Variants in SLIT3 observed in about 807,000 individuals in gnomAD.
SLIT3 encodes the protein slit guidance ligand 3, also known as slit homolog 3 protein.
SLIT3 carries 68 observed loss-of-function variants against 184.0 expected under a neutral mutation model. The observed-to-expected ratio is 0.37, with a 90% confidence interval of 0.30 to 0.45. The LOEUF is 0.45. SLIT3 is among the 20% of genes least tolerant of loss of function. The pLI is 1.00. For missense variants in SLIT3, 1,707 were observed against 2,026.0 expected, an observed-to-expected ratio of 0.84 and a Z score of 3.02; for synonymous variants, 831 against 828.6, an observed-to-expected ratio of 1.00 and a Z score of -0.05.
chr5:168,755,448 T>TCTTTCTTTCTTTCCTTCCTTCCTTCC (rs1419173588), intron 16 of SLIT3, among the ~76,000 whole-genome samples: 1 of 102,566 alleles, frequency 9.7e-6, no homozygotes, highest in Non-Finnish European at 2.2e-5. Flanking sequence ...TTTCTTTCTT[T>TCTTTCTTTCTTTCCTTCCTTCCTTCC]TTGAGACAGA....
chr5:168,915,743 G>C (rs1439249685), intron 4 of SLIT3, among the ~76,000 whole-genome samples: 2 of 151,956 alleles, frequency 1.3e-5, no homozygotes, highest in Non-Finnish European at 2.9e-5. Context: ...CTGCTCATCA[G>C]CTACATGTGT....
intron 35 of SLIT3, among the ~76,000 whole-genome samples, chr5:168,667,092 C>CTGAAAATCTGGATT (rs1472316061): frequency 6.6e-6 from 1 of 152,162 alleles, no homozygotes. Flanking sequence ...GAGATTTCAC[C>CTGAAAATCTGGATT]TGAAAATCTG....
intron 8 of SLIT3, among the ~76,000 whole-genome samples, chr5:168,811,357 T>A (rs1757151643): frequency 6.6e-6 from 1 of 152,154 alleles, no homozygotes. Context: ...CCCCTTAGCA[T>A]GAGATGAGGA....
intron 4 of SLIT3, among the ~76,000 whole-genome samples, chr5:169,014,520 C>T (rs921109551): frequency 1.3e-5 from 2 of 152,128 alleles, no homozygotes; most frequent in African/African-American, 2.4e-5. Flanking sequence ...AACGTCAAGC[C>T]GGCTTCCTCC....
chr5:169,177,260 C>T (rs980501400), intron 4 of SLIT3, among the ~76,000 whole-genome samples: 1 of 152,052 alleles, frequency 6.6e-6, no homozygotes, highest in African/African-American at 2.4e-5. Flanking sequence ...AAACAGGGCC[C>T]CAGATAAATA....
At chr5:168,833,788 G>A (rs1757955397) in intron 6 of SLIT3, among the ~76,000 whole-genome samples, 1 of 152,156 alleles carries the variant, frequency 6.6e-6, no homozygotes. Context: ...TTTTTCCTAT[G>A]GCTGTGGGCA....
At chr5:168,708,139 G>A (rs1762431925) in intron 25 of SLIT3, 39 bp from the exon 26 acceptor site, 1 of 1,613,912 alleles carries the variant, frequency 6.2e-7, no homozygotes. Flanking sequence ...CAGGTCCTGA[G>A]TGCGCTCACT....
At chr5:169,189,667 C>G (rs1182747809) in intron 4 of SLIT3, among the ~76,000 whole-genome samples, 2 of 150,262 alleles carry the variant, frequency 1.3e-5, no homozygotes, top group Non-Finnish European at 3.0e-5. Context: ...CCAGTAGAGA[C>G]AAATGCAGAC....
intron 4 of SLIT3, among the ~76,000 whole-genome samples, chr5:169,132,229 G>A (rs1334637227): frequency 2.0e-5 from 3 of 152,174 alleles, no homozygotes; most frequent in African/African-American, 7.2e-5. Flanking sequence ...ATGACAGAGG[G>A]CTGAAGAGAG....
intron 4 of SLIT3, among the ~76,000 whole-genome samples, chr5:169,192,010 C>T (rs919022945): frequency 6.6e-5 from 10 of 152,214 alleles, no homozygotes; most frequent in Middle Eastern, 3.4e-3. Flanking sequence ...TTGAAAGGTG[C>T]AATGCAGTAC....
intron 4 of SLIT3, among the ~76,000 whole-genome samples, chr5:169,111,789 C>T (rs1338712552): frequency 2.0e-5 from 3 of 152,178 alleles, no homozygotes; most frequent in African/African-American, 7.2e-5. Flanking sequence ...ACTTTATTCA[C>T]TAGAACAGGC....
intron 4 of SLIT3, among the ~76,000 whole-genome samples, chr5:169,132,398 C>T (rs1212534994): frequency 2.0e-5 from 3 of 152,110 alleles, no homozygotes; most frequent in Non-Finnish European, 4.4e-5. Context: ...GTTGAGGTGC[C>T]AGTTAGACAT....
intron 4 of SLIT3, among the ~76,000 whole-genome samples, chr5:168,972,337 A>ATGTGTGTGTGTGTGGGTGTGTGTG (rs1754604348): frequency 8.5e-6 from 1 of 118,250 alleles, no homozygotes; most frequent in Non-Finnish European, 1.7e-5. Context: ...GCAGGACAAC[A>ATGTGTGTGTGTGTGGGTGTGTGTG]TGTGTGTGTG....
In SLIT3 at chr5:168,834,495, C is replaced by T. The variant is rs555381466; in HGVS notation, c.557+10089G>A. On this transcript the variant is annotated intron_variant, in intron 6 of 35. Coordinates refer to ENST00000519560, the MANE Select transcript of SLIT3 (RefSeq NM_003062.4). ...TCACTCGAGGTCAGGAGTTTGAGAC[C>T]GGGGGGTCCAACATGGTGAAACCCC... Among the ~76,000 whole-genome samples, 66 of 151,492 alleles carry T rather than the reference C, an allele frequency of 4.4e-4. No homozygotes were observed. The East Asian group carries it at 9.6e-3, about 22-fold the overall frequency.
chr5:168,881,255 C>A (rs1176400021), intron 5 of SLIT3, among the ~76,000 whole-genome samples: 3 of 152,282 alleles, frequency 2.0e-5, no homozygotes, highest in Admixed American at 2.0e-4. Context: ...TTTGTAGAAT[C>A]TTGAACCTTT....
intron 4 of SLIT3, among the ~76,000 whole-genome samples, chr5:168,970,793 C>A (rs62377244): frequency 0.04 from 6,033 of 152,282 alleles, 158 homozygotes; most frequent in Middle Eastern, 0.065. Context: ...TCATCACTTC[C>A]TGGCTATGTT....
intron 4 of SLIT3, chr5:169,017,844 G>A (rs1254708471): frequency 2.0e-5 from 3 of 152,308 alleles, no homozygotes; most frequent in Admixed American, 6.5e-5. Context: ...TTCATAAGGA[G>A]GAGTCAGAGA....
chr5:169,163,317 A>G (rs1762537208), intron 4 of SLIT3, among the ~76,000 whole-genome samples: 1 of 152,172 alleles, frequency 6.6e-6, no homozygotes, highest in Non-Finnish European at 1.5e-5. Flanking sequence ...CGAGGAAAAA[A>G]AAGGAAATGA....
At chr5:168,925,934 G>A (rs538158309) in intron 4 of SLIT3, among the ~76,000 whole-genome samples, 129 of 152,346 alleles carry the variant, frequency 8.5e-4, no homozygotes, top group Non-Finnish European at 1.4e-3. Flanking sequence ...CAGGAACCCA[G>A]TCAGGTAGAA....
Sources: gnomAD v4.1 joint callset for allele counts (sites outside exome capture counted in the v4.1 genomes callset) on GRCh38, gnomAD v4.1.1 for gene constraint, MANE v1.5 for transcripts, NCBI Gene and HGNC (gene_info 2026-07-23, HGNC 2026-07-21) for gene names.